XRRA1: variants seen among roughly 807,000 people sequenced by gnomAD.
XRRA1 encodes the protein X-ray radiation resistance associated 1, also known as X-ray radiation resistance-associated protein 1.
XRRA1 carries 69 observed loss-of-function variants against 80.2 expected under a neutral mutation model. That is an observed-to-expected ratio of 0.86 (90% confidence interval 0.71 to 1.05). The LOEUF is 1.05. XRRA1 is among the 50% of genes least tolerant of loss of function. The probability of loss-of-function intolerance (pLI) is 0.00; values close to 1 mark genes in which losing one functional copy is unlikely to be tolerated. For missense variants in XRRA1, 967 were observed against 976.4 expected (o/e 0.99, Z 0.13); for synonymous variants, 348 against 389.9 (o/e 0.89, Z 1.27).
At chr11:74,943,524 G>GGTGTGTGT (rs67590742) in intron 2 of XRRA1, among the ~76,000 whole-genome samples, 2,315 of 137,748 alleles carry the variant, frequency 0.017, 52 homozygotes, top group African/African-American at 0.042. Context: ...AGAGTAGGAG[G>GGTGTGTGT]GTGTGTGTGT....
At chr11:74,937,146 T>C in intron 3 of XRRA1, 78 bp from the exon 4 acceptor site, 1 of 1,425,210 alleles carries the variant, frequency 7.0e-7, no homozygotes, top group Non-Finnish European at 9.4e-7. Flanking sequence ...TTGTTTATAA[T>C]ACTAAAACCA....
At chr11:74,855,033 G>C (rs1274807315) in intron 12 of XRRA1, among the ~76,000 whole-genome samples, 1 of 151,360 alleles carries the variant, frequency 6.6e-6, no homozygotes, top group East Asian at 1.9e-4. Flanking sequence ...CTGGGCAACA[G>C]AGTGAGACTC....
intron 11 of XRRA1, among the ~76,000 whole-genome samples, chr11:74,860,637 T>A (rs959399981): frequency 6.6e-6 from 1 of 152,244 alleles, no homozygotes; most frequent in Non-Finnish European, 1.5e-5. Context: ...ATCTTTGACT[T>A]GTGTGGTAGA....
intron 6 of XRRA1, among the ~76,000 whole-genome samples, chr11:74,929,567 C>T (rs2139346700): frequency 6.6e-6 from 1 of 152,342 alleles, no homozygotes; most frequent in East Asian, 1.9e-4. Context: ...CCCCCACATG[C>T]TTCCCTTGCA....
At chr11:74,930,412 G>T in intron 5 of XRRA1, 40 bp from the exon 6 acceptor site, 2 of 1,439,654 alleles carry the variant, frequency 1.4e-6, no homozygotes, top group Non-Finnish European at 1.9e-6. Context: ...AAATCCACAA[G>T]ATTAGTTCCC....
intron 10 of XRRA1, among the ~76,000 whole-genome samples, chr11:74,869,091 A>G (rs922202981): frequency 9.9e-5 from 15 of 152,244 alleles, no homozygotes; most frequent in African/African-American, 3.1e-4. Flanking sequence ...CAACCACACA[A>G]TCAGATATAG....
intron 10 of XRRA1, among the ~76,000 whole-genome samples, chr11:74,905,212 A>AT (rs1169686158): frequency 6.6e-6 from 1 of 151,938 alleles, no homozygotes; most frequent in Non-Finnish European, 1.5e-5. Flanking sequence ...TAATTTTTTA[A>AT]TTTTTTATAG....
chr11:74,909,732 G>C (rs2055427967), intron 8 of XRRA1, among the ~76,000 whole-genome samples: 1 of 152,114 alleles, frequency 6.6e-6, no homozygotes, highest in Admixed American at 6.5e-5. Context: ...TAGTGGAGAA[G>C]CCGGGGTTTC....
intron 7 of XRRA1, among the ~76,000 whole-genome samples, chr11:74,923,541 T>C (rs1941456488): frequency 6.6e-6 from 1 of 152,200 alleles, no homozygotes; most frequent in African/African-American, 2.4e-5. Context: ...TCTCTCATGC[T>C]TGTTCTCTCT....
chr11:74,883,613 A>G (rs2056099198), intron 10 of XRRA1, among the ~76,000 whole-genome samples: 1 of 152,218 alleles, frequency 6.6e-6, no homozygotes, highest in Non-Finnish European at 1.5e-5. Flanking sequence ...CCTAGAAGCT[A>G]TTAAACTCCA....
At chr11:74,858,206 A>G (rs1319824263) in intron 12 of XRRA1, among the ~76,000 whole-genome samples, 1 of 152,252 alleles carries the variant, frequency 6.6e-6, no homozygotes, top group African/African-American at 2.4e-5. Context: ...TTTTGGATCA[A>G]TAAAAGACAT....
rs2038812476 is a variant in XRRA1 at position 74,848,221 on chromosome 11, T to TGCACAGTGGAGTTGGAGCAGA, written c.1601_1621dup (p.Val540_His541insLeuCysSerAsnSerThrVal). On this transcript the variant is annotated inframe_insertion, in exon 15 of 19. Transcript: ENST00000684022. ...CAGGTGGGACAGGGTCTCTTCACTA[T>TGCACAGTGGAGTTGGAGCAGA]GCACAGTGGAGTTGGAGCAGATGGG... is the stretch of plus-strand genomic sequence containing the variant. 6.2e-7 allele frequency: 1 copy of TGCACAGTGGAGTTGGAGCAGA among 1,613,742 alleles called. No homozygotes were observed. The highest frequency in any genetic ancestry group is 8.5e-7 in the Non-Finnish European group (1 of 1,179,878).
chr11:74,843,485 G>A, intron 18 of XRRA1, 32 bp from the exon 19 acceptor site: 1 of 1,597,676 alleles, frequency 6.3e-7, no homozygotes, highest in Non-Finnish European at 8.5e-7. Context: ...GAGGCACCAA[G>A]CTCATCCTGG....
At chr11:74,873,559 C>T (rs2045372159) in intron 10 of XRRA1, among the ~76,000 whole-genome samples, 1 of 152,172 alleles carries the variant, frequency 6.6e-6, no homozygotes, top group Non-Finnish European at 1.5e-5. Flanking sequence ...AGACAGTCCC[C>T]ACTTGTTTGG....
chr11:74,890,402 G>A (rs1591084725), intron 10 of XRRA1, among the ~76,000 whole-genome samples: 2 of 152,210 alleles, frequency 1.3e-5, no homozygotes, highest in African/African-American at 4.8e-5. Flanking sequence ...ATTCAAAGCA[G>A]TGTGTAGAGG....
chr11:74,948,690 T>C (rs1185847503), intron 1 of XRRA1, among the ~76,000 whole-genome samples: 2 of 152,162 alleles, frequency 1.3e-5, no homozygotes, highest in Admixed American at 6.5e-5. Flanking sequence ...AGAGAGAGGA[T>C]GGCTGGAAGT....
intron 8 of XRRA1, among the ~76,000 whole-genome samples, chr11:74,910,433 C>A (rs2055613541): frequency 6.6e-6 from 1 of 152,076 alleles, no homozygotes; most frequent in Non-Finnish European, 1.5e-5. Flanking sequence ...CAGATTCCAG[C>A]TCAAAACAAG....
intron 15 of XRRA1, among the ~76,000 whole-genome samples, chr11:74,847,736 G>A (rs111232275): frequency 5.6e-4 from 86 of 152,228 alleles, no homozygotes; most frequent in African/African-American, 1.9e-3. Flanking sequence ...TTAAGGGCAC[G>A]ACCTGCATCT....
At chr11:74,853,797 A>G (rs2040447222) in intron 12 of XRRA1, among the ~76,000 whole-genome samples, 1 of 152,218 alleles carries the variant, frequency 6.6e-6, no homozygotes, top group African/African-American at 2.4e-5. Flanking sequence ...AGCCTGCTGG[A>G]AGAGTTTAAA....
Sources: gnomAD v4.1 joint callset for allele counts (sites outside exome capture counted in the v4.1 genomes callset) on GRCh38, gnomAD v4.1.1 for gene constraint, MANE v1.5 for transcripts, NCBI Gene and HGNC (gene_info 2026-07-23, HGNC 2026-07-21) for gene names.